The following DUSP8 variants were observed in gnomAD, a reference collection of about 807,000 sequenced individuals.
DUSP8 encodes the protein dual specificity phosphatase 8, also known as dual specificity protein phosphatase 8.
DUSP8 carries 15 observed loss-of-function variants against 38.7 expected under a neutral mutation model. That is an observed-to-expected ratio of 0.39 (90% confidence interval 0.26 to 0.60). DUSP8 has a LOEUF of 0.60. DUSP8 is among the 20% of genes least tolerant of loss of function. The pLI, the probability that DUSP8 is intolerant of heterozygous loss-of-function variation, is 0.56. For missense variants in DUSP8, 768 were observed against 915.0 expected (o/e 0.84, Z 2.07); for synonymous variants, 458 against 433.9 (o/e 1.06, Z -0.69).
chr11:1,557,231 G>C lies in DUSP8; in HGVS notation c.1165C>G (p.Arg389Gly). 1 of 1,497,716 alleles carries C rather than the reference G, an allele frequency of 6.7e-7. No homozygotes were observed. Among genetic ancestry groups the C allele is most frequent in the Non-Finnish European group, 8.9e-7 (1 of 1,125,662 alleles). 92.8% of individuals were successfully genotyped at this position (1,497,716 alleles called of 1,614,324 possible). The change falls in exon 7 of 7, where the codon CGC becomes GGC. Residue 389 changes from arginine (R) to glycine (G), a missense_variant. By Grantham distance (125) the Arg-to-Gly change is moderately radical. This residue lies in a region of DUSP8 where 474 missense variants were observed against 430.8 expected (regional missense o/e 1.10). Coordinates refer to ENST00000397374, the MANE Select transcript of DUSP8 (RefSeq NM_004420.3). The surrounding 1 kb of genome is among the most constrained non-coding windows in gnomAD (Gnocchi z 9.9). ...LSSDRLQDTNRLKRSFSLDIK... is the reference protein window; with the variant it reads ...LSSDRLQDTNGLKRSFSLDIK... ...TCCAGGGAGAAGGAGCGCTTGAGGC[G>C]GTTAGTGTCCTGCAGGCGGTCCGAG...
At chr11:1,559,851 A>G (rs556640682) in intron 3 of DUSP8, among the ~76,000 whole-genome samples, 82 of 152,290 alleles carry the variant, frequency 5.4e-4, no homozygotes, top group African/African-American at 1.8e-3. Context: ...CCTGCCCTGC[A>G]CCAGCTGGAA....
chr11:1,572,846 G>C (rs1431515272), upstream of DUSP8: 2 of 152,088 alleles, frequency 1.3e-5, no homozygotes, highest in Non-Finnish European at 2.9e-5. The surrounding 1 kb of genome is among the most constrained non-coding windows in gnomAD (Gnocchi z 4.7). Context: ...GGGACCCTCA[G>C]AGGCGAGCCG....
In DUSP8 at chr11:1,556,791, G is replaced by A. The variant is rs1181672040; in HGVS notation, c.1605C>T (p.Gly535=). 7 of 1,179,904 alleles carry A rather than the reference G, an allele frequency of 5.9e-6. No homozygotes were observed. The highest frequency in any genetic ancestry group is 7.5e-5 in the East Asian group (2 of 26,756). 73.1% of individuals were successfully genotyped at this position (1,179,904 alleles called of 1,614,324 possible). Residue 535 remains glycine (G), a synonymous_variant, in exon 7 of 7, where the codon GGC becomes GGT. Transcript: ENST00000397374. The surrounding 1 kb of genome is among the most constrained non-coding windows in gnomAD (Gnocchi z 5.2). ...GGCCGAAGGGCGCAAACAGCACCCC[G>A]CCCGCCCCCTGTGCGCCCTCGGGGC... The part of the protein sequence containing the change: ...CFSPEGAQGA[G]GVLFAPFGRA...
rs1329827635 is a variant in DUSP8, at chr11:1,554,706, G to C, written c.*1812C>G. On this transcript the variant is annotated 3_prime_UTR_variant, in exon 7 of 7. Transcript: ENST00000397374. ...CTCCCGGACAGCACAGGGGTGGGGG[G>C]CGAGAAGCGGGAAGCCAGTGCATCC... 1 of 786,218 alleles carries C rather than the reference G, an allele frequency of 1.3e-6. No individual in the cohort carries two copies. The highest frequency in any genetic ancestry group is 1.9e-5 in the African/African-American group (1 of 53,462). The allele number at this position is 786,218 out of a possible 1,614,324, so 48.7% of individuals were successfully genotyped here.
chr11:1,561,624 C>T (rs1475598709), intron 3 of DUSP8, among the ~76,000 whole-genome samples: 2 of 152,238 alleles, frequency 1.3e-5, no homozygotes, highest in Non-Finnish European at 2.9e-5. Context: ...GTCCTGGGAC[C>T]CCAGCACAGC....
At position 1,557,151 on chromosome 11, in the gene DUSP8, G is replaced by A; in HGVS notation, c.1245C>T (p.Asp415=). Residue 415 remains aspartate, a synonymous_variant, in exon 7 of 7, where the codon GAC becomes GAT. Transcript: ENST00000397374. This position sits in a 1 kb window ranked among gnomAD's most constrained non-coding sequence, Gnocchi z 9.9. ...TGCAGAGCTTCGGGGCCTCGCCGGG[G>A]TCGGGGGGCCCGGGGCCGTCGGGCC... The part of the protein sequence containing the change: ...SRRPDGPGPP[D]PGEAPKLCKL... 7.0e-7 allele frequency: 1 copy of A among 1,435,606 alleles called. No individual in the cohort carries two copies. Among genetic ancestry groups the A allele is most frequent in the Non-Finnish European group, 9.1e-7 (1 of 1,102,606 alleles). The allele number at this position is 1,435,606 out of a possible 1,614,324, so 88.9% of individuals were successfully genotyped here. A position where few individuals can be genotyped will look rare whatever the true frequency, so the allele number is the denominator to read the frequency against.
intron 2 of DUSP8, among the ~76,000 whole-genome samples, chr11:1,565,100 G>A (rs1250797076): frequency 2.0e-5 from 3 of 152,182 alleles, no homozygotes; most frequent in African/African-American, 7.2e-5. Context: ...TGCGGGCTGG[G>A]GGAAGCTGTG....
In DUSP8 at chr11:1,555,711, C is replaced by G. The variant is rs534925203; in HGVS notation, c.*807G>C. ...GAGGGCCGCAGCCCTCTAGGAATGG[C>G]CTTTCTGAGCCACTCTGTGGCTGGA... On this transcript the variant is annotated 3_prime_UTR_variant, in exon 7 of 7. Transcript: ENST00000397374. 1 of 152,796 alleles carries G rather than the reference C, an allele frequency of 6.5e-6. No homozygotes were observed. The highest frequency in any genetic ancestry group is 2.4e-5 in the African/African-American group (1 of 41,426). 9.5% of individuals were successfully genotyped at this position (152,796 alleles called of 1,614,324 possible).
Position 1,554,405 on chromosome 11 carries a change from T to A in DUSP8, c.*2113A>T, listed in dbSNP as rs1299214858. On this transcript the variant is annotated 3_prime_UTR_variant, in exon 7 of 7. Coordinates refer to ENST00000397374, the MANE Select transcript of DUSP8 (RefSeq NM_004420.3). ...AGCACTGGAGGAGGCAGTGGCCAGGTGGGAGGGGCCGGAGAGAGGCTTGGA... is the reference window on the plus strand; with the variant it reads ...AGCACTGGAGGAGGCAGTGGCCAGGAGGGAGGGGCCGGAGAGAGGCTTGGA... 20 of 143,100 alleles carry A rather than the reference T, an allele frequency of 1.4e-4. No individual in the cohort carries two copies. The highest frequency in any genetic ancestry group is 3.0e-5 in the Non-Finnish European group (2 of 66,828). The allele number at this position is 143,100 out of a possible 1,614,324, so 8.9% of individuals were successfully genotyped here. A position where few individuals can be genotyped will look rare whatever the true frequency, so the allele number is the denominator to read the frequency against.
chr11:1,556,629 C>G lies in DUSP8; in HGVS notation c.1767G>C (p.Gln589His). The G allele has an allele frequency of 1.4e-6, 2 of 1,429,750 alleles. No individual in the cohort carries two copies. Among genetic ancestry groups the G allele is most frequent in the South Asian group, 2.8e-5 (2 of 70,514 alleles). 88.6% of individuals were successfully genotyped at this position (1,429,750 alleles called of 1,614,324 possible). A position where few individuals can be genotyped will look rare whatever the true frequency, so the allele number is the denominator to read the frequency against. ...CCACCATGCCCTCCTCGAACTCCAT[C>G]TGGCAGCTGCGGCGCTTGAACTGCG... ...PETQFKRRSCQMEFEEGMVEG... is the reference protein window; with the variant it reads ...PETQFKRRSCHMEFEEGMVEG... Residue 589 changes from glutamine (Q) to histidine (H), a missense_variant, in exon 7 of 7, where the codon CAG (glutamine) becomes CAC (histidine). Gln to His is a conservative substitution (Grantham distance 24). Coordinates refer to ENST00000397374, the MANE Select transcript of DUSP8 (RefSeq NM_004420.3). The surrounding 1 kb of genome is among the most constrained non-coding windows in gnomAD (Gnocchi z 5.2).
intron 3 of DUSP8, 124 bp from the exon 4 acceptor site, chr11:1,559,179 C>T (rs1053879266): frequency 9.4e-6 from 9 of 960,232 alleles, no homozygotes; most frequent in South Asian, 6.1e-5. Flanking sequence ...AGCCCAGACC[C>T]GAGCCTGAGC....
At chr11:1,566,897 G>A (rs1393763897) in intron 1 of DUSP8, among the ~76,000 whole-genome samples, 1 of 151,924 alleles carries the variant, frequency 6.6e-6, no homozygotes, top group African/African-American at 2.4e-5. Context: ...CCCTCCTGCA[G>A]GCTTGATGAC....
chr11:1,555,499 G>GCCCGCCC lies in DUSP8; in HGVS notation c.*1018_*1019insGGGCGGG. 8.6e-6 allele frequency: 3 copies of GCCCGCCC among 348,816 alleles called. No homozygotes were observed. Among genetic ancestry groups the GCCCGCCC allele is most frequent in the Non-Finnish European group, 1.2e-5 (3 of 248,784 alleles). The allele number at this position is 348,816 out of a possible 1,614,324, so 21.6% of individuals were successfully genotyped here. ...GGGGCATGGCTGGGAGGGGGGCGGG[G>GCCCGCCC]CAGACCTGGAACAGAACCCTAAGAC... On this transcript the variant is annotated 3_prime_UTR_variant, in exon 7 of 7. Coordinates refer to ENST00000397374, the MANE Select transcript of DUSP8 (RefSeq NM_004420.3).
chr11:1,555,491 G>C lies in DUSP8; in HGVS notation c.*1027C>G, dbSNP rs1175853449. ...TTCTGCCTGGGGCATGGCTGGGAGGGGGGCGGGGCAGACCTGGAACAGAAC... is the reference window on the plus strand; with the variant it reads ...TTCTGCCTGGGGCATGGCTGGGAGGCGGGCGGGGCAGACCTGGAACAGAAC... On this transcript the variant is annotated 3_prime_UTR_variant, in exon 7 of 7. Transcript: ENST00000397374. The C allele has an allele frequency of 3.3e-6, 3 of 898,370 alleles. No homozygotes were observed. The highest frequency in any genetic ancestry group is 6.2e-5 in the Admixed American group (1 of 16,184). 55.6% of individuals were successfully genotyped at this position (898,370 alleles called of 1,614,324 possible).
At chr11:1,560,095 G>A (rs1438613178) in intron 3 of DUSP8, among the ~76,000 whole-genome samples, 1 of 152,148 alleles carries the variant, frequency 6.6e-6, no homozygotes, top group Non-Finnish European at 1.5e-5. Context: ...GCCAGCTCTT[G>A]GGAGGGTGAA....
chr11:1,569,583 C>T (rs1296778055), intron 1 of DUSP8, among the ~76,000 whole-genome samples: 1 of 152,186 alleles, frequency 6.6e-6, no homozygotes, highest in Admixed American at 6.5e-5. Flanking sequence ...GAGGGGTCAG[C>T]TTCAGACTCC....
chr11:1,558,252 C>G lies in DUSP8; in HGVS notation c.557G>C (p.Gly186Ala), dbSNP rs777185026. The change falls in exon 5 of 7, where the codon GGA becomes GCA. Residue 186 changes from glycine to alanine, a missense_variant. By Grantham distance (60) the Gly-to-Ala change is moderately conservative. This residue lies in a region of DUSP8 where 252 missense variants were observed against 410.4 expected (regional missense o/e 0.61). Transcript: ENST00000397374. This position sits in a 1 kb window ranked among gnomAD's most constrained non-coding sequence, Gnocchi z 6.3. ...VLNKDLMTQN[G>A]ISYVLNASNS... ...GCTGGCGTTGAGGACGTAGCTTATT[C>G]CATTTTGCGTCATCAGATCCTGGAG... is the stretch of plus-strand genomic sequence containing the variant. The G allele has an allele frequency of 7.1e-6, 9 of 1,260,640 alleles. No individual in the cohort carries two copies. 78.1% of individuals were successfully genotyped at this position (1,260,640 alleles called of 1,614,324 possible). A position where few individuals can be genotyped will look rare whatever the true frequency, so the allele number is the denominator to read the frequency against.
intron 1 of DUSP8, among the ~76,000 whole-genome samples, chr11:1,566,655 C>G (rs1248644135): frequency 6.6e-6 from 1 of 152,214 alleles, no homozygotes; most frequent in Non-Finnish European, 1.5e-5. Flanking sequence ...TGCCCAGCTC[C>G]TGCAGGGGCG....
rs1368221095 is a variant in DUSP8, at chr11:1,565,856, C to T, written c.-30G>A. 6.3e-7 allele frequency: 1 copy of T among 1,577,974 alleles called. No homozygotes were observed. ...GGGCAATGGGTGCTGGGGAGGGTGACCCCTGAAGTGAGGAGGGGCTGCTCC... is the reference window on the plus strand; with the variant it reads ...GGGCAATGGGTGCTGGGGAGGGTGATCCCTGAAGTGAGGAGGGGCTGCTCC... On this transcript the variant is annotated 5_prime_UTR_variant, in exon 2 of 7. Coordinates refer to ENST00000397374, the MANE Select transcript of DUSP8 (RefSeq NM_004420.3).
Sources: gnomAD v4.1 joint callset for allele counts (sites outside exome capture counted in the v4.1 genomes callset) on GRCh38, gnomAD v4.1.1 for gene constraint, gnomAD v4.1.1 regional missense constraint, Gnocchi (gnomAD v3.1) non-coding constraint, MANE v1.5 for transcripts, NCBI Gene and HGNC (gene_info 2026-07-23, HGNC 2026-07-21) for gene names.